ZDHHC20: variants seen among roughly 807,000 people sequenced by gnomAD.
ZDHHC20 encodes palmitoyltransferase ZDHHC20.
Under a neutral mutation model 57.8 loss-of-function variants are expected in ZDHHC20, and 43 were observed. The ratio of observed to expected loss-of-function variants is 0.74; its 90% CI spans 0.58 to 0.96. The LOEUF is 0.96. Ranked by LOEUF, ZDHHC20 falls within the 40% of genes least tolerant of loss-of-function variation. The pLI, the probability that ZDHHC20 is intolerant of heterozygous loss-of-function variation, is 0.00. For missense variants in ZDHHC20, 391 were observed against 441.1 expected, an observed-to-expected ratio of 0.89 and a Z score of 1.02; for synonymous variants, 157 against 153.0, an observed-to-expected ratio of 1.03 and a Z score of -0.19.
At chr13:21,394,870 G>GT (rs1876492548) in intron 7 of ZDHHC20, among the ~76,000 whole-genome samples, 1 of 152,100 alleles carries the variant, frequency 6.6e-6, no homozygotes, top group Non-Finnish European at 1.5e-5. Context: ...CAAAGGCATT[G>GT]TAAGTGTTAG....
intron 1 of ZDHHC20, among the ~76,000 whole-genome samples, chr13:21,445,824 G>A (rs1329259259): frequency 6.6e-6 from 1 of 152,196 alleles, no homozygotes; most frequent in African/African-American, 2.4e-5. Flanking sequence ...TATGAGGGGG[G>A]AAAAATGCAG....
At chr13:21,378,602 G>T in intron 12 of ZDHHC20, 59 bp downstream of exon 12, 2 of 1,006,226 alleles carry the variant, frequency 2.0e-6, no homozygotes, top group South Asian at 3.6e-5. Flanking sequence ...ATTGTTTAAA[G>T]ATTATGAAAT....
intron 1 of ZDHHC20, among the ~76,000 whole-genome samples, chr13:21,436,735 G>GGC (rs1882590282): frequency 6.6e-6 from 1 of 152,150 alleles, no homozygotes; most frequent in Non-Finnish European, 1.5e-5. Flanking sequence ...GCCTCTAAGT[G>GGC]TTCAGGTGAA....
At chr13:21,425,366 T>C (rs1881132181) in intron 2 of ZDHHC20, among the ~76,000 whole-genome samples, 1 of 152,094 alleles carries the variant, frequency 6.6e-6, no homozygotes, top group African/African-American at 2.4e-5. Context: ...TTGAAGAACA[T>C]ATGAGACAAA....
At chr13:21,458,448 G>C (rs980697632) in intron 1 of ZDHHC20, among the ~76,000 whole-genome samples, 4 of 152,220 alleles carry the variant, frequency 2.6e-5, no homozygotes, top group Admixed American at 2.6e-4. Context: ...GCTGGATTCA[G>C]AGTAGAAATA....
chr13:21,378,054 T>G (rs1014188994), intron 12 of ZDHHC20, among the ~76,000 whole-genome samples: 1 of 152,162 alleles, frequency 6.6e-6, no homozygotes. Flanking sequence ...TCTTTTTTCT[T>G]TTTTTGAGAC....
At chr13:21,381,736 C>A (rs1436434080) in intron 10 of ZDHHC20, among the ~76,000 whole-genome samples, 187 bp from the exon 11 acceptor site, 1 of 152,184 alleles carries the variant, frequency 6.6e-6, no homozygotes, top group African/African-American at 2.4e-5. Context: ...AAATGGCTCT[C>A]TAGACCCAAG....
rs1179958889 is a variant in ZDHHC20, at chr13:21,438,840, C to G, written c.119-13162G>C. Among the ~76,000 whole-genome samples the G allele has an allele frequency of 2.0e-5, 3 of 152,210 alleles. No homozygotes were observed. In the East Asian group the frequency reaches 5.8e-4, roughly 29 times the overall value. On this transcript the variant is annotated intron_variant, in intron 1 of 12. Transcript: ENST00000400590. ...TTTTGAGAAATTGCCACAGCTACCC[C>G]AGCCTTCAGCAACAACCTCCCTGAT...
intron 1 of ZDHHC20, among the ~76,000 whole-genome samples, chr13:21,430,553 A>G (rs1881793457): frequency 6.6e-6 from 1 of 151,982 alleles, no homozygotes. Flanking sequence ...AGAGGTCTTA[A>G]GCTCAATACT....
intron 1 of ZDHHC20, among the ~76,000 whole-genome samples, chr13:21,434,751 G>A (rs971950215): frequency 8.7e-5 from 13 of 150,172 alleles, no homozygotes; most frequent in Middle Eastern, 3.5e-3. Flanking sequence ...TCTAGAAATC[G>A]CTACCCATTA....
At chr13:21,444,738 ACT>A (rs1883510515) in intron 1 of ZDHHC20, among the ~76,000 whole-genome samples, 1 of 152,120 alleles carries the variant, frequency 6.6e-6, no homozygotes, top group African/African-American at 2.4e-5. Context: ...CTTGATAGGT[ACT>A]GTTATACCAA....
At chr13:21,400,318 A>G (rs1877436314) in intron 7 of ZDHHC20, 55 bp downstream of exon 7, 4 of 1,461,650 alleles carry the variant, frequency 2.7e-6, no homozygotes, top group Non-Finnish European at 3.7e-6. Context: ...ATTTATTAGG[A>G]AGATAGCATC....
chr13:21,401,094 A>G (rs1251032031), intron 6 of ZDHHC20, among the ~76,000 whole-genome samples: 1 of 152,104 alleles, frequency 6.6e-6, no homozygotes, highest in East Asian at 1.9e-4. Context: ...CATGGGCAAC[A>G]TGGAGAGACC....
chr13:21,439,867 G>A (rs1882941126), intron 1 of ZDHHC20, among the ~76,000 whole-genome samples: 1 of 151,988 alleles, frequency 6.6e-6, no homozygotes, highest in African/African-American at 2.4e-5. Context: ...ACAAGTTCAA[G>A]ACCAGCCTGG....
chr13:21,413,964 T>G (rs1879579920), intron 3 of ZDHHC20, among the ~76,000 whole-genome samples, 192 bp from the exon 4 acceptor site: 2 of 152,166 alleles, frequency 1.3e-5, no homozygotes. Context: ...TAAAAAATAT[T>G]TGCCCTCCAC....
In ZDHHC20 at chr13:21,459,211, T is replaced by C. The variant is rs1478110781; in HGVS notation, c.-40A>G. 4 of 1,523,960 alleles carry C rather than the reference T, an allele frequency of 2.6e-6. No homozygotes were observed. The highest frequency in any genetic ancestry group is 3.5e-6 in the Non-Finnish European group (4 of 1,127,170). The allele number at this position is 1,523,960 out of a possible 1,614,324, so 94.4% of individuals were successfully genotyped here. ...TGCCGAGCCCCGCGTCCCACCGTTC[T>C]GGGGAGCGCGGGAGCCCCGGCGACG... On this transcript the variant is annotated 5_prime_UTR_variant, in exon 1 of 13. Transcript: ENST00000400590.
At chr13:21,436,200 A>G (rs1197698460) in intron 1 of ZDHHC20, among the ~76,000 whole-genome samples, 1 of 152,222 alleles carries the variant, frequency 6.6e-6, no homozygotes, top group Non-Finnish European at 1.5e-5. Flanking sequence ...CCTTTATAGA[A>G]TGGAGAAACA....
chr13:21,396,260 GAAT>G (rs1369223769), intron 7 of ZDHHC20, among the ~76,000 whole-genome samples: 1 of 152,104 alleles, frequency 6.6e-6, no homozygotes, highest in African/African-American at 2.4e-5. Context: ...CACCATACCT[GAAT>G]AATAACAAAA....
At chr13:21,434,317 A>G (rs1882321350) in intron 1 of ZDHHC20, among the ~76,000 whole-genome samples, 1 of 147,138 alleles carries the variant, frequency 6.8e-6, no homozygotes, top group Admixed American at 6.7e-5. Context: ...TGCTTACCCA[A>G]TAATCTCGAG....
Sources: allele counts gnomAD v4.1 joint callset (sites outside exome capture counted in the v4.1 genomes callset), GRCh38; gene constraint gnomAD v4.1.1; transcripts MANE v1.5; gene names NCBI Gene and HGNC (gene_info 2026-07-23, HGNC 2026-07-21).